The following CDH1 variants were observed in gnomAD, a reference collection of about 807,000 sequenced individuals.
CDH1 encodes the protein cadherin 1, also known as cadherin-1.
CDH1 carries 35 observed loss-of-function variants against 84.5 expected under a neutral mutation model. The ratio of observed to expected loss-of-function variants is 0.41; its 90% CI spans 0.32 to 0.55. CDH1 has a LOEUF of 0.55. Ranked by LOEUF, CDH1 falls within the 20% of genes least tolerant of loss-of-function variation. The pLI is 0.19. For synonymous variants in CDH1, 417 were observed against 439.0 expected (o/e 0.95, Z 0.63); for missense variants, 994 against 1,126.6 (o/e 0.88, Z 1.68).
At chr16:68,793,044 TG>T in intron 2 of CDH1, among the ~76,000 whole-genome samples, 1 of 150,724 alleles carries the variant, frequency 6.6e-6, no homozygotes, top group South Asian at 2.1e-4. Flanking sequence ...TGGGAACCCA[TG>T]GGGGTCGCCT....
rs67825283 is a variant in CDH1, at chr16:68,745,533, CAAAAA to C, written c.163+7135_163+7139del. On this transcript the variant is annotated intron_variant, in intron 2 of 15. Coordinates refer to ENST00000261769, the MANE Select transcript of CDH1 (RefSeq NM_004360.5). ...ACTCCAGCTGATAGAGATCCTGTCT[CAAAAA>C]AAAAAAAAAAAATATATATATATAT... 6.3e-3 allele frequency among the ~76,000 whole-genome samples: 254 copies of C among 40,390 alleles called. 4 individuals are homozygous for C. The highest frequency in any genetic ancestry group is 0.024 in the African/African-American group (236 of 9,722). 26.5% of individuals were successfully genotyped at this position (40,390 alleles called of 152,430 possible). A position where few individuals can be genotyped will look rare whatever the true frequency, so the allele number is the denominator to read the frequency against.
chr16:68,825,654 T>C (rs1355395204), intron 13 of CDH1, among the ~76,000 whole-genome samples: 2 of 152,156 alleles, frequency 1.3e-5, no homozygotes, highest in Non-Finnish European at 2.9e-5. Flanking sequence ...CATGGCTTTA[T>C]TGTGCCATGA....
intron 10 of CDH1, among the ~76,000 whole-genome samples, chr16:68,817,750 C>CT (rs34720037): frequency 0.14 from 20,848 of 151,962 alleles, 3,098 homozygotes; most frequent in African/African-American, 0.37. Flanking sequence ...TACAAAACAA[C>CT]GGCCAGCACA....
intron 2 of CDH1, among the ~76,000 whole-genome samples, chr16:68,745,253 C>T (rs903139278): frequency 2.6e-5 from 4 of 150,972 alleles, no homozygotes; most frequent in African/African-American, 7.3e-5. Flanking sequence ...AGGCCAAGGC[C>T]GCAGGATTAC....
At chr16:68,755,970 G>T (rs1231361109) in intron 2 of CDH1, among the ~76,000 whole-genome samples, 1 of 151,070 alleles carries the variant, frequency 6.6e-6, no homozygotes, top group East Asian at 2.0e-4. Context: ...CACCATGTTG[G>T]CCAGGCTGGT....
intron 2 of CDH1, among the ~76,000 whole-genome samples, chr16:68,789,274 G>A (rs766577649): frequency 2.6e-5 from 4 of 151,916 alleles, no homozygotes; most frequent in African/African-American, 9.7e-5. Context: ...CAAGTGATCC[G>A]CCCACTTCAG....
chr16:68,828,406 G>A (rs1961387077), intron 14 of CDH1, 102 bp downstream of exon 14: 1 of 1,245,016 alleles, frequency 8.0e-7, no homozygotes, highest in Non-Finnish European at 1.2e-6. Context: ...AATCACTTTG[G>A]ATATTATCTT....
intron 2 of CDH1, among the ~76,000 whole-genome samples, chr16:68,769,914 G>A (rs922213781): frequency 6.6e-6 from 1 of 150,452 alleles, no homozygotes; most frequent in African/African-American, 2.4e-5. Context: ...TCCTGAGCTC[G>A]TCATGATCTG....
chr16:68,803,829 G>A (rs201160752), intron 3 of CDH1, among the ~76,000 whole-genome samples: 2 of 151,984 alleles, frequency 1.3e-5, no homozygotes, highest in Non-Finnish European at 2.9e-5. Context: ...CGTGGTTTAT[G>A]TCGTGGTTTA....
At chr16:68,741,831 C>A (rs1962571085) in intron 2 of CDH1, among the ~76,000 whole-genome samples, 1 of 152,078 alleles carries the variant, frequency 6.6e-6, no homozygotes. Context: ...AGGCACATGC[C>A]ACCATGCCTT....
intron 2 of CDH1, among the ~76,000 whole-genome samples, chr16:68,796,150 G>A (rs575289959): frequency 1.3e-5 from 2 of 152,032 alleles, no homozygotes; most frequent in South Asian, 4.2e-4. Context: ...GTGACAGTGC[G>A]AGACTCTGTC....
At chr16:68,769,345 T>C (rs1959478092) in intron 2 of CDH1, among the ~76,000 whole-genome samples, 1 of 152,248 alleles carries the variant, frequency 6.6e-6, no homozygotes, top group Non-Finnish European at 1.5e-5. Flanking sequence ...GCTCTTGCTC[T>C]TCCTACTTCA....
Position 68,833,304 on chromosome 16 carries a change from T to C in CDH1, c.2454T>C (p.Ala818=), listed in dbSNP as rs761471987. The C allele has an allele frequency of 1.2e-6, 2 of 1,614,210 alleles. No individual in the cohort carries two copies. The highest frequency in any genetic ancestry group is 1.7e-5 in the Admixed American group (1 of 60,022). Residue 818 remains alanine (A), a synonymous_variant, in exon 16 of 16, where the codon GCT becomes GCC. Coordinates refer to ENST00000261769, the MANE Select transcript of CDH1 (RefSeq NM_004360.5). ...TTCTTCTTTAGAATCTGAAAGCGGC[T>C]GATACTGACCCCACAGCCCCGCCTT... ...GNFIDENLKA[A]DTDPTAPPYD... is the part of the protein sequence containing the mutation.
Position 68,738,327 on chromosome 16 carries a change from C to T in CDH1, c.79C>T (p.Pro27Ser), listed in dbSNP as rs878854696. Residue 27 changes from proline to serine, a missense_variant, in exon 2 of 16, where the codon CCC becomes TCC. Transcript: ENST00000261769. ...CTCTTGGCTCTGCCAGGAGCCGGAG[C>T]CCTGCCACCCTGGCTTTGACGCCGA... ...VSSWLCQEPE[P>S]CHPGFDAESY... The T allele has an allele frequency of 2.6e-6, 4 of 1,539,850 alleles. No individual in the cohort carries two copies. The highest frequency in any genetic ancestry group is 3.5e-6 in the Non-Finnish European group (4 of 1,141,750).
chr16:68,771,278 G>A (rs985423882), intron 2 of CDH1, among the ~76,000 whole-genome samples: 9 of 152,090 alleles, frequency 5.9e-5, no homozygotes, highest in African/African-American at 1.9e-4. Context: ...CAGCTAATGT[G>A]TATTGAGCCC....
intron 2 of CDH1, among the ~76,000 whole-genome samples, chr16:68,762,713 A>G (rs745425384): frequency 6.6e-6 from 1 of 152,134 alleles, no homozygotes; most frequent in Non-Finnish European, 1.5e-5. Context: ...GTTTGAGACC[A>G]GCCTGGCCGA....
At chr16:68,770,208 C>A (rs1049536791) in intron 2 of CDH1, among the ~76,000 whole-genome samples, 4 of 152,126 alleles carry the variant, frequency 2.6e-5, no homozygotes, top group Non-Finnish European at 5.9e-5. Context: ...GGTGTGTGCT[C>A]TGGGGAGCTC....
chr16:68,780,698 G>A (rs748950086), intron 2 of CDH1, among the ~76,000 whole-genome samples: 16 of 152,124 alleles, frequency 1.1e-4, no homozygotes, highest in East Asian at 5.8e-4. Flanking sequence ...CAGGAGTGGC[G>A]CTCCCATAAC....
intron 2 of CDH1, among the ~76,000 whole-genome samples, chr16:68,748,134 CAG>C (rs1312732574): frequency 1.8e-5 from 2 of 111,676 alleles, no homozygotes; most frequent in African/African-American, 3.7e-5. Flanking sequence ...TTTTTTGAGA[CAG>C]AGTTTCGCTC....
Sources: allele counts gnomAD v4.1 joint callset (sites outside exome capture counted in the v4.1 genomes callset), GRCh38; gene constraint gnomAD v4.1.1; transcripts MANE v1.5; gene names NCBI Gene and HGNC (gene_info 2026-07-23, HGNC 2026-07-21).